The following ADD2 variants were observed in gnomAD, a reference collection of about 807,000 sequenced individuals.
ADD2 encodes beta-adducin.
A neutral mutation model predicts 83.0 loss-of-function variants in ADD2; 23 were observed. The ratio of observed to expected loss-of-function variants is 0.28; its 90% CI spans 0.20 to 0.39. ADD2 has a LOEUF of 0.39. Among genes scored for constraint, ADD2 ranks in the 10% least tolerant of loss-of-function variants. The pLI is 1.00. For missense variants in ADD2, 758 were observed against 944.9 expected (o/e 0.80, Z 2.59); for synonymous variants, 375 against 375.4 (o/e 1.00, Z 0.01).
intron 1 of ADD2, among the ~76,000 whole-genome samples, chr2:70,722,711 C>T (rs1400056397): frequency 6.6e-6 from 1 of 152,200 alleles, no homozygotes; most frequent in Non-Finnish European, 1.5e-5. Flanking sequence ...CTCAGTACCT[C>T]TGCTGAGGAA....
At chr2:70,734,634 G>C (rs1673435115) in intron 1 of ADD2, among the ~76,000 whole-genome samples, 1 of 152,222 alleles carries the variant, frequency 6.6e-6, no homozygotes, top group African/African-American at 2.4e-5. Context: ...GGCAGGAGAG[G>C]AGAAAGGATG....
intron 9 of ADD2, among the ~76,000 whole-genome samples, chr2:70,686,139 G>A (rs1357855444): frequency 6.6e-6 from 1 of 152,186 alleles, no homozygotes; most frequent in Non-Finnish European, 1.5e-5. Context: ...ACCTGGCTAG[G>A]GCTGCGCTCC....
chr2:70,754,684 G>A (rs577121585), intron 1 of ADD2, among the ~76,000 whole-genome samples: 4 of 151,956 alleles, frequency 2.6e-5, no homozygotes, highest in Admixed American at 1.3e-4. Flanking sequence ...TCACATCTTC[G>A]TGGCCTCCAA....
In ADD2 at chr2:70,676,871, G is replaced by A. The variant is rs1553368448; in HGVS notation, c.1518C>T (p.Asn506=). 1 of 1,613,808 alleles carries A rather than the reference G, an allele frequency of 6.2e-7. No individual in the cohort carries two copies. Among genetic ancestry groups the A allele is most frequent in the East Asian group, 2.2e-5 (1 of 44,876 alleles). Residue 506 remains asparagine (N), a synonymous_variant, in exon 13 of 16, where the codon AAC becomes AAT. Coordinates refer to ENST00000264436, the MANE Select transcript of ADD2 (RefSeq NM_001617.4). The surrounding 1 kb of genome is among the most constrained non-coding windows in gnomAD (Gnocchi z 4.8). ...LEMRNKIREQ[N]RQDVKSAGPQ... ...GCCCCGCTGACTTCACATCTTGTCG[G>A]TTTTGTTCTCGAATCTGTGTGGAAA...
At chr2:70,721,519 T>A (rs1336307116) in intron 1 of ADD2, among the ~76,000 whole-genome samples, 1 of 152,226 alleles carries the variant, frequency 6.6e-6, no homozygotes, top group Non-Finnish European at 1.5e-5. Flanking sequence ...CCCTGAAGTG[T>A]ATTTTCTCAA....
intron 1 of ADD2, 41 bp downstream of exon 1, chr2:70,767,845 G>A: frequency 1.3e-6 from 2 of 1,533,324 alleles, no homozygotes; most frequent in Non-Finnish European, 1.7e-6. Context: ...GGAGACCAGC[G>A]ACCCCAGGCA....
intron 6 of ADD2, among the ~76,000 whole-genome samples, chr2:70,694,673 G>A (rs1365717679): frequency 2.6e-5 from 4 of 151,998 alleles, no homozygotes; most frequent in South Asian, 2.1e-4. Flanking sequence ...TGCTTACCCC[G>A]CTGGTTCATA....
intron 15 of ADD2, among the ~76,000 whole-genome samples, chr2:70,670,684 T>A (rs1320741370): frequency 2.6e-5 from 4 of 152,098 alleles, no homozygotes; most frequent in African/African-American, 9.7e-5. Flanking sequence ...CCATCCCTGA[T>A]CTGATGGGTG....
At chr2:70,704,263 T>TGGG in intron 4 of ADD2, 58 bp downstream of exon 4, 34 of 913,220 alleles carry the variant, frequency 3.7e-5, no homozygotes, top group Non-Finnish European at 4.6e-5. Context: ...CTCCCTCTCT[T>TGGG]CCCCACCCCA....
At chr2:70,738,843 G>T (rs1239855726) in intron 1 of ADD2, among the ~76,000 whole-genome samples, 3 of 152,158 alleles carry the variant, frequency 2.0e-5, no homozygotes, top group African/African-American at 7.2e-5. Context: ...ATAAGCAGAA[G>T]ATTGAAACTG....
intron 11 of ADD2, 34 bp downstream of exon 11, chr2:70,678,670 T>A: frequency 6.6e-7 from 1 of 1,513,526 alleles, no homozygotes; most frequent in Non-Finnish European, 8.8e-7. Context: ...AGCCTGCCCC[T>A]CTCTGCCCGG....
chr2:70,762,746 C>T (rs2104565523), intron 1 of ADD2, among the ~76,000 whole-genome samples: 1 of 149,160 alleles, frequency 6.7e-6, no homozygotes, highest in South Asian at 2.1e-4. Context: ...ATTCTTGTTG[C>T]CCAGGCTGGA....
chr2:70,670,053 A>C (rs1299896308), intron 15 of ADD2, among the ~76,000 whole-genome samples: 4 of 152,194 alleles, frequency 2.6e-5, no homozygotes, highest in African/African-American at 9.7e-5. Flanking sequence ...TCATCCAGCT[A>C]AGCCCCAACA....
In ADD2 at chr2:70,683,783, G is replaced by A. The variant is rs782345958; in HGVS notation, c.949-16C>T. The A allele has an allele frequency of 2.2e-5, 36 of 1,602,732 alleles. No homozygotes were observed. Among genetic ancestry groups the A allele is most frequent in the Non-Finnish European group, 3.0e-5 (35 of 1,171,140 alleles). On this transcript the variant is annotated splice_polypyrimidine_tract_variant and intron_variant, in intron 9 of 15. Transcript: ENST00000264436. ...GAGCCGACACCTGTAGCAAAGAGCA[G>A]AGAGCCCTCAGCCCATGTGCACATG... is the stretch of plus-strand genomic sequence containing the variant.
rs756099505 is a variant in ADD2 at position 70,692,743 on chromosome 2, A to G, written c.556-191T>C. Among the ~76,000 whole-genome samples, 41 of 69,068 alleles carry G rather than the reference A, an allele frequency of 5.9e-4. 1 individual carries two copies. The highest frequency in any genetic ancestry group is 5.7e-4 in the Non-Finnish European group (20 of 35,248). The allele number at this position is 69,068 out of a possible 152,430, so 45.3% of individuals were successfully genotyped here. A position where few individuals can be genotyped will look rare whatever the true frequency, so the allele number is the denominator to read the frequency against. On this transcript the variant is annotated intron_variant, in intron 6 of 15. Coordinates refer to ENST00000264436, the MANE Select transcript of ADD2 (RefSeq NM_001617.4). ...CTCAGTGAGTGCACAGTCTAACGGG[A>G]CACAGACGATTATAATTCAGCAGGA...
chr2:70,685,761 A>G (rs1670686934), intron 9 of ADD2, among the ~76,000 whole-genome samples: 1 of 152,170 alleles, frequency 6.6e-6, no homozygotes, highest in African/African-American at 2.4e-5. Context: ...CCCATACTTA[A>G]TGGAGAAGAA....
intron 1 of ADD2, among the ~76,000 whole-genome samples, chr2:70,727,740 A>G (rs1250135921): frequency 6.6e-6 from 1 of 151,982 alleles, no homozygotes; most frequent in Non-Finnish European, 1.5e-5. Context: ...ACTAAAATAT[A>G]CAAAAGTTAG....
intron 4 of ADD2, 124 bp downstream of exon 4, chr2:70,704,197 A>T (rs1269438978): frequency 7.6e-7 from 1 of 1,322,154 alleles, no homozygotes; most frequent in African/African-American, 1.5e-5. Flanking sequence ...CCAAGGCCTG[A>T]TAACACAATG....
At chr2:70,702,460 C>T (rs1391071727) in intron 4 of ADD2, among the ~76,000 whole-genome samples, 1 of 152,158 alleles carries the variant, frequency 6.6e-6, no homozygotes, top group Non-Finnish European at 1.5e-5. Context: ...AACCATTGTG[C>T]CTGGCCTAAA....
Sources: gnomAD v4.1 joint callset for allele counts (sites outside exome capture counted in the v4.1 genomes callset) on GRCh38, gnomAD v4.1.1 for gene constraint, Gnocchi (gnomAD v3.1) non-coding constraint, MANE v1.5 for transcripts, NCBI Gene and HGNC (gene_info 2026-07-23, HGNC 2026-07-21) for gene names.